SCEL: variants seen among roughly 807,000 people sequenced by gnomAD.
SCEL encodes the protein sciellin.
A neutral mutation model predicts 117.6 loss-of-function variants in SCEL; 113 were observed. The observed-to-expected ratio is 0.96, with a 90% confidence interval of 0.83 to 1.12. The LOEUF (loss-of-function observed/expected upper bound fraction) is 1.12, where lower values mean the gene tolerates loss of function less well. Ranked by LOEUF, SCEL falls within the 50% of genes most tolerant of loss-of-function variation. SCEL has a pLI of 0.00. For synonymous variants in SCEL, 270 were observed against 256.2 expected, an observed-to-expected ratio of 1.05 and a Z score of -0.51; for missense variants, 785 against 810.8, an observed-to-expected ratio of 0.97 and a Z score of 0.39.
Position 77,613,915 on chromosome 13 carries a change from C to T in SCEL, c.1411C>T (p.His471Tyr). Residue 471 changes from histidine (H) to tyrosine (Y), a missense_variant, in exon 24 of 33, where the codon CAT becomes TAT. His to Tyr is a moderately conservative substitution (Grantham distance 83, BLOSUM62 2). Transcript: ENST00000349847. ...NKSSEQGLDE[H>Y]INVSPKAVKN... ...TAGCAGTGAACAAGGTCTTGATGAA[C>T]ATATTAATGTCAGCCCCAAAGCTGT... The T allele has an allele frequency of 6.2e-7, 1 of 1,613,352 alleles. No individual in the cohort carries two copies. Among genetic ancestry groups the T allele is most frequent in the South Asian group, 1.1e-5 (1 of 91,016 alleles).
At chr13:77,626,730 C>G (rs2089753613) in intron 27 of SCEL, among the ~76,000 whole-genome samples, 1 of 152,124 alleles carries the variant, frequency 6.6e-6, no homozygotes, top group Non-Finnish European at 1.5e-5. Flanking sequence ...GCCTCCCCAG[C>G]CATATGGAAC....
At chr13:77,578,631 G>C (rs117240973) in intron 9 of SCEL, among the ~76,000 whole-genome samples, 1 of 152,144 alleles carries the variant, frequency 6.6e-6, no homozygotes, top group Non-Finnish European at 1.5e-5. Flanking sequence ...TGTGGGATTT[G>C]GGGGAAGGAA....
At chr13:77,612,726 C>T (rs1242850054) in intron 22 of SCEL, among the ~76,000 whole-genome samples, 165 bp from the exon 23 acceptor site, 1 of 151,666 alleles carries the variant, frequency 6.6e-6, no homozygotes, top group Non-Finnish European at 1.5e-5. Context: ...CAAATGTATG[C>T]AGGAAATGAA....
chr13:77,604,191 G>C, intron 18 of SCEL, 165 bp from the exon 19 acceptor site: 1 of 469,320 alleles, frequency 2.1e-6, no homozygotes, highest in Non-Finnish European at 3.7e-6. Flanking sequence ...ATGGTCTTCA[G>C]CTCAAGTTGT....
At chr13:77,633,957 A>G (rs1043009642) in intron 28 of SCEL, among the ~76,000 whole-genome samples, 1 of 152,254 alleles carries the variant, frequency 6.6e-6, no homozygotes, top group Non-Finnish European at 1.5e-5. Context: ...CTTTAGGTAG[A>G]TCTAAAGGCT....
At chr13:77,637,060 T>C in intron 29 of SCEL, 60 bp from the exon 30 acceptor site, 1 of 820,328 alleles carries the variant, frequency 1.2e-6, no homozygotes, top group East Asian at 3.0e-5. Context: ...GTGAGTGTGT[T>C]TTCTTATCTA....
chr13:77,610,158 C>A, intron 22 of SCEL, 52 bp downstream of exon 22: 1 of 1,325,076 alleles, frequency 7.5e-7, no homozygotes, highest in Non-Finnish European at 1.1e-6. Flanking sequence ...TCCTAATGAG[C>A]TTAAAAACAT....
At chr13:77,574,914 A>G (rs1367648553) in intron 9 of SCEL, among the ~76,000 whole-genome samples, 3 of 151,934 alleles carry the variant, frequency 2.0e-5, no homozygotes, top group Non-Finnish European at 2.9e-5. Flanking sequence ...TAAGACTGAC[A>G]CCCTCACTTT....
At chr13:77,607,266 G>A (rs1334881152) in intron 19 of SCEL, among the ~76,000 whole-genome samples, 1 of 152,040 alleles carries the variant, frequency 6.6e-6, no homozygotes, top group Non-Finnish European at 1.5e-5. Context: ...GCCCAGTCTG[G>A]CCTGGATCTC....
In SCEL at chr13:77,589,169, C is replaced by T. The variant is rs561127411; in HGVS notation, c.571C>T (p.Pro191Ser). 2.5e-6 allele frequency: 4 copies of T among 1,613,036 alleles called. No homozygotes were observed. The highest frequency in any genetic ancestry group is 3.3e-4 in the Middle Eastern group (2 of 6,056). ...GGAACCAGGTGTTCACCCTCCAATACCTCCAAAGCCCAGTTCTCCTGTTTC... is the reference window on the plus strand; with the variant it reads ...GGAACCAGGTGTTCACCCTCCAATATCTCCAAAGCCCAGTTCTCCTGTTTC... ...RREPGVHPPI[P>S]PKPSSPVSSP... Residue 191 changes from proline (P) to serine (S), a missense_variant, in exon 10 of 33, where the codon CCT (proline) becomes TCT (serine). By Grantham distance (74) the Pro-to-Ser change is moderately conservative. Transcript: ENST00000349847.
At chr13:77,635,818 T>C (rs1167988534) in intron 29 of SCEL, among the ~76,000 whole-genome samples, 1 of 152,132 alleles carries the variant, frequency 6.6e-6, no homozygotes, top group Non-Finnish European at 1.5e-5. Context: ...TCTCAAAGCA[T>C]AGTCTCTGGG....
chr13:77,602,599 T>C (rs891511871), intron 16 of SCEL, 55 bp from the exon 17 acceptor site: 56 of 1,468,148 alleles, frequency 3.8e-5, no homozygotes, highest in Middle Eastern at 3.5e-4. Context: ...TTATACAGAT[T>C]TCAGAGAAAA....
intron 1 of SCEL, among the ~76,000 whole-genome samples, chr13:77,539,202 T>C (rs2083567995): frequency 2.6e-5 from 4 of 151,708 alleles, no homozygotes; most frequent in Admixed American, 2.6e-4. Flanking sequence ...CACCAGCAGA[T>C]AAAAAGAAAA....
rs761485000 is a variant in SCEL at position 77,612,944 on chromosome 13, A to T, written c.1388+3A>T. Reference sequence around the variant, plus strand: ...GTGATCCCTTCAGCAAACAAAAGGTAAACTTATTAAGATAATTGAAGACTT... The same window carrying T: ...GTGATCCCTTCAGCAAACAAAAGGTTAACTTATTAAGATAATTGAAGACTT... On this transcript the variant is annotated splice_donor_region_variant and intron_variant, in intron 23 of 32. Coordinates refer to ENST00000349847, the MANE Select transcript of SCEL (RefSeq NM_144777.3). The T allele has an allele frequency of 6.5e-7, 1 of 1,544,262 alleles. No individual in the cohort carries two copies. Among genetic ancestry groups the T allele is most frequent in the Non-Finnish European group, 8.8e-7 (1 of 1,138,778 alleles).
intron 4 of SCEL, among the ~76,000 whole-genome samples, chr13:77,561,680 T>C (rs1346102323): frequency 2.6e-5 from 4 of 152,154 alleles, no homozygotes; most frequent in African/African-American, 9.7e-5. Context: ...TATCCACAAA[T>C]GAAAATACTA....
At chr13:77,574,506 C>T (rs1442226912) in intron 9 of SCEL, among the ~76,000 whole-genome samples, 1 of 152,122 alleles carries the variant, frequency 6.6e-6, no homozygotes, top group Non-Finnish European at 1.5e-5. Flanking sequence ...TAATGTCATG[C>T]CAAGCCTTCA....
At chr13:77,642,439 A>G (rs1004647461) in intron 31 of SCEL, among the ~76,000 whole-genome samples, 1 of 152,232 alleles carries the variant, frequency 6.6e-6, no homozygotes, top group Non-Finnish European at 1.5e-5. Flanking sequence ...GTGCCTGGAC[A>G]GCATAACTAG....
intron 21 of SCEL, among the ~76,000 whole-genome samples, 166 bp from the exon 22 acceptor site, chr13:77,609,881 A>C (rs1448599242): frequency 6.6e-6 from 1 of 152,160 alleles, no homozygotes; most frequent in Non-Finnish European, 1.5e-5. Context: ...TTAGGTCCCT[A>C]TATGTATATT....
intron 1 of SCEL, among the ~76,000 whole-genome samples, chr13:77,544,639 T>G (rs2154394359): frequency 6.6e-6 from 1 of 151,876 alleles, no homozygotes; most frequent in South Asian, 2.1e-4. Context: ...GTGGGAGGAG[T>G]GGCAATTGGG....
Sources: allele counts gnomAD v4.1 joint callset (sites outside exome capture counted in the v4.1 genomes callset), GRCh38; gene constraint gnomAD v4.1.1; transcripts MANE v1.5; gene names NCBI Gene and HGNC (gene_info 2026-07-23, HGNC 2026-07-21).